The following MAGI2 variants were observed in gnomAD, a reference collection of about 807,000 sequenced individuals.
MAGI2 encodes the protein membrane associated guanylate kinase, WW and PDZ domain containing 2.
Under a neutral mutation model 133.3 loss-of-function variants are expected in MAGI2, and 35 were observed. The ratio of observed to expected loss-of-function variants is 0.26; its 90% CI spans 0.20 to 0.35. The LOEUF (loss-of-function observed/expected upper bound fraction) is 0.35. Ranked by LOEUF, MAGI2 falls within the 10% of genes least tolerant of loss-of-function variation. The pLI, the probability that MAGI2 is intolerant of heterozygous loss-of-function variation, is 1.00. For missense variants in MAGI2, 1,636 were observed against 1,863.4 expected (o/e 0.88, Z 2.25); for synonymous variants, 729 against 710.6 (o/e 1.03, Z -0.41).
intron 2 of MAGI2, among the ~76,000 whole-genome samples, chr7:78,642,075 C>T (rs1045679468): frequency 5.4e-4 from 82 of 152,168 alleles, no homozygotes; most frequent in African/African-American, 1.9e-3. Flanking sequence ...AGGGAAGAAA[C>T]ATGGAGTCTG....
At chr7:78,658,825 G>A (rs754717067) in intron 2 of MAGI2, among the ~76,000 whole-genome samples, 2 of 152,182 alleles carry the variant, frequency 1.3e-5, no homozygotes, top group Non-Finnish European at 2.9e-5. Context: ...AAATTGTGGA[G>A]AACCTGGATC....
intron 2 of MAGI2, among the ~76,000 whole-genome samples, chr7:78,908,781 T>C (rs1183762181): frequency 2.6e-5 from 4 of 152,204 alleles, no homozygotes; most frequent in African/African-American, 4.8e-5. Context: ...AAACATATTA[T>C]GTATTCAATA....
Position 78,365,825 on chromosome 7 carries a change from A to G in MAGI2, c.1103+3331T>C, listed in dbSNP as rs558156696. Among the ~76,000 whole-genome samples, 56 of 152,272 alleles carry G rather than the reference A, an allele frequency of 3.7e-4. 1 individual carries two copies. In the South Asian group the frequency reaches 0.011, roughly 29 times the overall value. ...CTAGCTGTTTAAATTCTCTTCTGCT[A>G]TTGATTGTTGCAATTGCTATTTGCT... On this transcript the variant is annotated intron_variant, in intron 7 of 21. Transcript: ENST00000354212.
intron 7 of MAGI2, among the ~76,000 whole-genome samples, chr7:78,349,283 A>G (rs1213049846): frequency 6.6e-6 from 1 of 152,174 alleles, no homozygotes; most frequent in Non-Finnish European, 1.5e-5. Flanking sequence ...GTGTGTTTTA[A>G]AACATTTATT....
intron 1 of MAGI2, among the ~76,000 whole-genome samples, chr7:79,385,922 T>A (rs1844147490): frequency 6.6e-6 from 1 of 151,992 alleles, no homozygotes; most frequent in South Asian, 2.1e-4. Flanking sequence ...TCTCTATGAA[T>A]CCCATAACAT....
intron 11 of MAGI2, among the ~76,000 whole-genome samples, chr7:78,197,428 A>G (rs1002659488): frequency 6.6e-6 from 1 of 152,188 alleles, no homozygotes; most frequent in Non-Finnish European, 1.5e-5. Flanking sequence ...TCTTTCTCCC[A>G]TATTCCATTG....
intron 20 of MAGI2, among the ~76,000 whole-genome samples, chr7:78,106,247 T>G (rs1465987650): frequency 6.6e-6 from 1 of 152,168 alleles, no homozygotes; most frequent in Non-Finnish European, 1.5e-5. Context: ...CCACATTTTT[T>G]TATTCATCCA....
intron 1 of MAGI2, among the ~76,000 whole-genome samples, chr7:79,228,465 C>T (rs1231978170): frequency 6.6e-6 from 1 of 150,988 alleles, no homozygotes; most frequent in African/African-American, 2.4e-5. Context: ...CAAAAGCTAC[C>T]CTACAGTTAT....
At chr7:78,715,015 TTA>T (rs1159390630) in intron 2 of MAGI2, among the ~76,000 whole-genome samples, 3 of 152,196 alleles carry the variant, frequency 2.0e-5, no homozygotes, top group Non-Finnish European at 4.4e-5. Flanking sequence ...ATGAGACCTC[TTA>T]TATATGTTTT....
At chr7:78,056,667 A>G (rs10234923) in intron 21 of MAGI2, among the ~76,000 whole-genome samples, 79,155 of 151,670 alleles carry the variant, frequency 0.52, 21,426 homozygotes, top group African/African-American at 0.67. Flanking sequence ...GGGGCCTGTC[A>G]GGGCTTGGGG....
intron 2 of MAGI2, among the ~76,000 whole-genome samples, chr7:78,809,847 A>G (rs1788891042): frequency 6.6e-6 from 1 of 152,230 alleles, no homozygotes; most frequent in African/African-American, 2.4e-5. Context: ...ATAATGTCAG[A>G]AATATGATTT....
intron 2 of MAGI2, among the ~76,000 whole-genome samples, chr7:78,655,889 G>A (rs1040622693): frequency 4.0e-5 from 6 of 149,032 alleles, no homozygotes; most frequent in African/African-American, 1.5e-4. Context: ...GCTGAGGCAG[G>A]AGAATGGCCT....
intron 2 of MAGI2, among the ~76,000 whole-genome samples, chr7:78,814,713 T>C (rs1029926837): frequency 6.6e-6 from 1 of 152,132 alleles, no homozygotes; most frequent in Non-Finnish European, 1.5e-5. Context: ...CATGGAATTT[T>C]CCATTTAATT....
intron 1 of MAGI2, chr7:79,412,211 G>A (rs1846192324): frequency 6.6e-6 from 1 of 151,844 alleles, no homozygotes; most frequent in Non-Finnish European, 1.5e-5. Flanking sequence ...ACAGACTTGT[G>A]ATCACCATTT....
intron 2 of MAGI2, among the ~76,000 whole-genome samples, chr7:78,651,633 A>C (rs904708891): frequency 6.6e-6 from 1 of 152,140 alleles, no homozygotes; most frequent in Non-Finnish European, 1.5e-5. Flanking sequence ...CTAAAAGCAG[A>C]ATAGATTATG....
chr7:79,344,689 G>T (rs1237739615), intron 1 of MAGI2, among the ~76,000 whole-genome samples: 1 of 152,124 alleles, frequency 6.6e-6, no homozygotes, highest in Non-Finnish European at 1.5e-5. Context: ...GGGATGCTTT[G>T]GTGGATGGAA....
rs1338748328 is a variant in MAGI2 at position 78,116,356 on chromosome 7, A to AG, written c.3567+9337dup. Reference sequence around the variant, plus strand: ...AACTACTACTCTAAGCATCCAACTTAGGAAAAAAAAAAAAGAAGAACAACA... The same window carrying AG: ...AACTACTACTCTAAGCATCCAACTTAGGGAAAAAAAAAAAAGAAGAACAACA... On this transcript the variant is annotated intron_variant, in intron 20 of 21. Transcript: ENST00000354212. Among the ~76,000 whole-genome samples, 6 of 49,586 alleles carry AG rather than the reference A, an allele frequency of 1.2e-4. No homozygotes were observed. The East Asian group carries it at 1.8e-3, about 14-fold the overall frequency. 32.5% of individuals were successfully genotyped at this position (49,586 alleles called of 152,430 possible).
At chr7:78,584,424 A>C (rs1279702317) in intron 3 of MAGI2, among the ~76,000 whole-genome samples, 2 of 25,264 alleles carry the variant, frequency 7.9e-5, no homozygotes, top group African/African-American at 3.5e-4. Context: ...CGTCTCAGAA[A>C]AAAAAAAAAA....
intron 6 of MAGI2, among the ~76,000 whole-genome samples, chr7:78,454,410 A>G (rs954797515): frequency 4.6e-5 from 7 of 152,156 alleles, no homozygotes; most frequent in African/African-American, 1.7e-4. Flanking sequence ...AATGATTAAA[A>G]TACAGAACAC....
Sources: gnomAD v4.1 joint callset for allele counts (sites outside exome capture counted in the v4.1 genomes callset) on GRCh38, gnomAD v4.1.1 for gene constraint, MANE v1.5 for transcripts, NCBI Gene and HGNC (gene_info 2026-07-23, HGNC 2026-07-21) for gene names.